Variants in TMEM26 observed in about 807,000 individuals in gnomAD.
TMEM26 encodes transmembrane protein 26.
Under a neutral mutation model 28.8 loss-of-function variants are expected in TMEM26, and 38 were observed. The observed-to-expected ratio is 1.32, with a 90% CI of 1.02 to 1.73. The LOEUF (loss-of-function observed/expected upper bound fraction) is 1.73, where lower values mean the gene tolerates loss of function less well. Ranked by LOEUF, TMEM26 falls within the 40% of genes most tolerant of loss-of-function variation. The pLI is 0.00. For synonymous variants in TMEM26, 227 were observed against 182.9 expected (o/e 1.24, Z -1.95); for missense variants, 518 against 447.1 (o/e 1.16, Z -1.43).
At chr10:61,416,615 T>C (rs1839656116) in intron 4 of TMEM26, among the ~76,000 whole-genome samples, 1 of 152,070 alleles carries the variant, frequency 6.6e-6, no homozygotes, top group Admixed American at 6.6e-5. Flanking sequence ...TGAGACTTTA[T>C]TTTCCTTGCC....
At chr10:61,413,208 C>T (rs1907217) in intron 5 of TMEM26, among the ~76,000 whole-genome samples, 32,806 of 151,800 alleles carry the variant, frequency 0.22, 4,384 homozygotes, top group African/African-American at 0.37. Context: ...TCATAACTGA[C>T]GGAACTGCTA....
intron 1 of TMEM26, among the ~76,000 whole-genome samples, chr10:61,437,214 C>A (rs541090771): frequency 8.5e-4 from 130 of 152,202 alleles, no homozygotes; most frequent in South Asian, 4.4e-3. Flanking sequence ...TGGGACCCTA[C>A]CTTTAAGACC....
In TMEM26 at chr10:61,423,820, G is replaced by A. The variant is rs187027742; in HGVS notation, c.605+5106C>T. Among the ~76,000 whole-genome samples, 3 of 152,184 alleles carry A rather than the reference G, an allele frequency of 2.0e-5. No individual in the cohort carries two copies. In the East Asian group the frequency reaches 5.8e-4, roughly 29 times the overall value. On this transcript the variant is annotated intron_variant, in intron 4 of 5. Transcript: ENST00000399298. ...GTTTAATATCTGAAAATTAATTAGTGTAATCTATTGTTTTAATAGGATAAA... is the reference window on the plus strand; with the variant it reads ...GTTTAATATCTGAAAATTAATTAGTATAATCTATTGTTTTAATAGGATAAA...
At chr10:61,433,028 C>T (rs1717262286) in intron 2 of TMEM26, among the ~76,000 whole-genome samples, 1 of 151,956 alleles carries the variant, frequency 6.6e-6, no homozygotes, top group South Asian at 2.1e-4. Context: ...ATATTTTGAC[C>T]ACTTTGTAGG....
chr10:61,443,722 A>G lies in TMEM26; in HGVS notation c.192-7474T>C, dbSNP rs1490963151. Among the ~76,000 whole-genome samples the G allele has an allele frequency of 4.6e-5, 7 of 152,300 alleles. No individual in the cohort carries two copies. The South Asian group carries it at 1.0e-3, about 23-fold the overall frequency. On this transcript the variant is annotated intron_variant, in intron 1 of 5. Coordinates refer to ENST00000399298, the MANE Select transcript of TMEM26 (RefSeq NM_178505.8). ...TTGTTGTTGCAATTTAAAAAAAGTC[A>G]TATTCCCAAATAATGATATAAACTA...
At chr10:61,451,765 T>C (rs1840284830) in intron 1 of TMEM26, among the ~76,000 whole-genome samples, 1 of 152,170 alleles carries the variant, frequency 6.6e-6, no homozygotes, top group South Asian at 2.1e-4. Flanking sequence ...TTTTCAACAG[T>C]AGAAAATGTA....
intron 1 of TMEM26, among the ~76,000 whole-genome samples, chr10:61,448,415 A>T (rs1156747388): frequency 6.6e-6 from 1 of 152,238 alleles, no homozygotes; most frequent in Non-Finnish European, 1.5e-5. Flanking sequence ...CAGTTTTCTC[A>T]TCTAAAAACG....
chr10:61,417,737 GA>G (rs941946855), intron 4 of TMEM26, among the ~76,000 whole-genome samples: 9 of 151,874 alleles, frequency 5.9e-5, no homozygotes, highest in East Asian at 5.8e-4. Context: ...ATGTTGGGGG[GA>G]AAAAAGACTG....
At chr10:61,412,941 C>T (rs1301822823) in intron 5 of TMEM26, 2 of 1,293,378 alleles carry the variant, frequency 1.5e-6, no homozygotes. Flanking sequence ...ATTCCAAGGA[C>T]CTCCAATGAG....
chr10:61,416,123 C>T (rs1839648010), intron 4 of TMEM26: 1 of 448,462 alleles, frequency 2.2e-6, no homozygotes, highest in African/African-American at 2.0e-5. Context: ...TCCAACAGAG[C>T]CTGCAGAAAA....
chr10:61,409,076 C>T lies in TMEM26; in HGVS notation c.*1246G>A, dbSNP rs545731043. 6.6e-6 allele frequency: 1 copy of T among 152,072 alleles called. No homozygotes were observed. Among genetic ancestry groups the T allele is most frequent in the Non-Finnish European group, 1.5e-5 (1 of 68,016 alleles). The allele number at this position is 152,072 out of a possible 1,614,324, so 9.4% of individuals were successfully genotyped here. On this transcript the variant is annotated 3_prime_UTR_variant, in exon 6 of 6. Transcript: ENST00000399298. ...AGAACAGTTTTGGAACTGTTTGCCT[C>T]GTGTAATTACTGCTACACACCCGAG...
rs1355870259 is a variant in TMEM26 at position 61,410,701 on chromosome 10, G to C, written c.728C>G (p.Pro243Arg). 3 of 1,613,940 alleles carry C rather than the reference G, an allele frequency of 1.9e-6. No homozygotes were observed. In the African/African-American group the frequency reaches 4.0e-5, roughly 22 times the overall value. The change falls in exon 6 of 6, where the codon CCC becomes CGC. Residue 243 changes from proline to arginine, a missense_variant. By Grantham distance (103) the Pro-to-Arg change is moderately radical (BLOSUM62 -2). Coordinates refer to ENST00000399298, the MANE Select transcript of TMEM26 (RefSeq NM_178505.8). ...CPVSVTERGF[P>R]SLFFCQYSAD... ...ACTGTACTGGCAAAAGAACAGGCTG[G>C]GGAATCCCCTCTCTGTCACAGACAC...
rs1840326627 is a variant in TMEM26 at position 61,453,290 on chromosome 10, G to A, written c.-209C>T. 3 of 582,894 alleles carry A rather than the reference G, an allele frequency of 5.1e-6. No homozygotes were observed. The highest frequency in any genetic ancestry group is 5.7e-5 in the East Asian group (2 of 35,054). 36.1% of individuals were successfully genotyped at this position (582,894 alleles called of 1,614,324 possible). ...CTTCCTGAGAACTCTTCAAAGAGGG[G>A]TGAGTCCAAACCCAGCTTTTCCAGA... On this transcript the variant is annotated 5_prime_UTR_variant, in exon 1 of 6. Coordinates refer to ENST00000399298, the MANE Select transcript of TMEM26 (RefSeq NM_178505.8).
chr10:61,446,170 A>G (rs1840176899), intron 1 of TMEM26, among the ~76,000 whole-genome samples: 1 of 152,224 alleles, frequency 6.6e-6, no homozygotes, highest in African/African-American at 2.4e-5. Context: ...GTGAGGCAAA[A>G]GAAGGAAATA....
At chr10:61,433,935 C>T (rs942437360) in intron 2 of TMEM26, among the ~76,000 whole-genome samples, 1 of 152,014 alleles carries the variant, frequency 6.6e-6, no homozygotes, top group Non-Finnish European at 1.5e-5. Flanking sequence ...TCTCAGGATC[C>T]TCGTCTTTAA....
chr10:61,413,358 A>G, intron 5 of TMEM26, 101 bp downstream of exon 5: 1 of 1,503,440 alleles, frequency 6.7e-7, no homozygotes, highest in Middle Eastern at 1.8e-4. Flanking sequence ...ATATTGGGAT[A>G]CAGACATGAT....
intron 3 of TMEM26, among the ~76,000 whole-genome samples, chr10:61,430,562 A>C (rs1839904348): frequency 6.8e-6 from 1 of 148,042 alleles, no homozygotes; most frequent in Non-Finnish European, 1.5e-5. Flanking sequence ...GAAAATCCCA[A>C]AGAACTGACA....
At chr10:61,444,263 C>A (rs1840141872) in intron 1 of TMEM26, among the ~76,000 whole-genome samples, 1 of 152,122 alleles carries the variant, frequency 6.6e-6, no homozygotes, top group Admixed American at 6.5e-5. Context: ...ACCATGACAG[C>A]ATCTGGTACA....
At chr10:61,428,228 C>A (rs1330833695) in intron 4 of TMEM26, among the ~76,000 whole-genome samples, 2 of 152,138 alleles carry the variant, frequency 1.3e-5, no homozygotes, top group Non-Finnish European at 2.9e-5. Context: ...TATATTCAGG[C>A]ACTGAGACTT....
Sources: gnomAD v4.1 joint callset for allele counts (sites outside exome capture counted in the v4.1 genomes callset) on GRCh38, gnomAD v4.1.1 for gene constraint, MANE v1.5 for transcripts, NCBI Gene and HGNC (gene_info 2026-07-23, HGNC 2026-07-21) for gene names.